The following PLPP3 variants were observed in gnomAD, a reference collection of about 807,000 sequenced individuals.
PLPP3 encodes the protein PAP2 beta.
In PLPP3, 6 loss-of-function variants were observed where a neutral mutation model predicts 29.6. That is an observed-to-expected ratio of 0.20 (90% confidence interval 0.11 to 0.40). The LOEUF is 0.40. PLPP3 is among the 10% of genes least tolerant of loss of function. The pLI is 1.00. For synonymous variants in PLPP3, 152 were observed against 159.7 expected, an observed-to-expected ratio of 0.95 and a Z score of 0.36; for missense variants, 308 against 407.7, an observed-to-expected ratio of 0.76 and a Z score of 2.11.
intron 1 of PLPP3, among the ~76,000 whole-genome samples, chr1:56,575,583 G>A (rs897699157): frequency 5.3e-5 from 8 of 152,176 alleles, no homozygotes; most frequent in South Asian, 2.1e-4. Flanking sequence ...TCTGCAAACC[G>A]AGCTTCAGAA....
chr1:56,523,692 C>G, intron 4 of PLPP3, 131 bp downstream of exon 4: 1 of 1,036,612 alleles, frequency 9.6e-7, no homozygotes, highest in African/African-American at 1.6e-5. Context: ...TTAAACCTAA[C>G]TTTTCTAGCT....
At chr1:56,501,842 C>T (rs1262350485) in intron 5 of PLPP3, among the ~76,000 whole-genome samples, 3 of 152,194 alleles carry the variant, frequency 2.0e-5, no homozygotes, top group African/African-American at 7.2e-5. Flanking sequence ...TGAAATCTGA[C>T]ACATTCTAGC....
chr1:56,512,101 G>A lies in PLPP3; in HGVS notation c.685C>T (p.Leu229Phe). The A allele has an allele frequency of 6.2e-7, 1 of 1,612,742 alleles. No individual in the cohort carries two copies. Among genetic ancestry groups the A allele is most frequent in the African/African-American group, 1.3e-5 (1 of 75,008 alleles). The change falls in exon 5 of 6, where the codon CTC becomes TTC. Residue 229 changes from leucine (L) to phenylalanine (F), a missense_variant. By Grantham distance (22) the Leu-to-Phe change is conservative. This residue lies in a region of PLPP3 where 232 missense variants were observed against 317.2 expected (regional missense o/e 0.73). Transcript: ENST00000371250. Reference sequence around the variant, plus strand: ...ATCATGATCAAGGTGAACTGCAGGAGGGGCCGGAGCAGGCGGGCTCCTCGC... The same window carrying A: ...ATCATGATCAAGGTGAACTGCAGGAAGGGCCGGAGCAGGCGGGCTCCTCGC... ...TWRGARLLRP[L>F]LQFTLIMMAF...
rs1381563130 is a variant in PLPP3 at position 56,579,139 on chromosome 1, C to T, written c.-123G>A. On this transcript the variant is annotated 5_prime_UTR_variant, in exon 1 of 6. Coordinates refer to ENST00000371250, the MANE Select transcript of PLPP3 (RefSeq NM_003713.5). ...GCGGATAGTGGCGGGTCGGCCCCGG[C>T]TCCGGGCGCGGCGGCTAGAGTGCAG... 3.0e-6 allele frequency: 4 copies of T among 1,355,902 alleles called. No individual in the cohort carries two copies. Among genetic ancestry groups the T allele is most frequent in the African/African-American group, 1.5e-5 (1 of 64,874 alleles). 84.0% of individuals were successfully genotyped at this position (1,355,902 alleles called of 1,614,324 possible).
intron 1 of PLPP3, among the ~76,000 whole-genome samples, chr1:56,557,588 T>C (rs1387209077): frequency 1.6e-4 from 25 of 152,190 alleles, no homozygotes; most frequent in Admixed American, 1.6e-3. Flanking sequence ...ATGAATGCAG[T>C]TGCTTTGGGT....
chr1:56,516,040 A>C (rs1645778430), intron 4 of PLPP3, among the ~76,000 whole-genome samples: 1 of 152,188 alleles, frequency 6.6e-6, no homozygotes, highest in Admixed American at 6.5e-5. Flanking sequence ...TGACTGTGGC[A>C]ATTTCACCAA....
intron 1 of PLPP3, among the ~76,000 whole-genome samples, chr1:56,569,806 T>C (rs1037466929): frequency 5.3e-4 from 80 of 152,124 alleles, no homozygotes; most frequent in African/African-American, 1.9e-3. Flanking sequence ...CATTCCAGCC[T>C]CCAGCTACTC....
intron 1 of PLPP3, among the ~76,000 whole-genome samples, chr1:56,569,331 C>T (rs1272419260): frequency 1.3e-5 from 2 of 152,108 alleles, no homozygotes; most frequent in Admixed American, 6.5e-5. Context: ...TGCCACCACA[C>T]CTGGCTAATT....
At chr1:56,547,687 C>A (rs1489057411) in intron 1 of PLPP3, among the ~76,000 whole-genome samples, 1 of 152,166 alleles carries the variant, frequency 6.6e-6, no homozygotes, top group African/African-American at 2.4e-5. Flanking sequence ...AGCTGCCATG[C>A]CCCACCCTGC....
At chr1:56,565,359 G>T (rs1646154728) in intron 1 of PLPP3, among the ~76,000 whole-genome samples, 1 of 150,438 alleles carries the variant, frequency 6.6e-6, no homozygotes, top group Non-Finnish European at 1.5e-5. Flanking sequence ...TACAAAAAGG[G>T]TCACAAACAG....
rs66593221 is a variant in PLPP3, at chr1:56,555,433, T to TAAAAAAAAAAAAAA, written c.140-18335_140-18322dup. ...ATGCAGGAGAAGGAAGGCCAAACACTAAAAAAAAAAAAAAAAAAAAAAAAA... is the reference window on the plus strand; with the variant it reads ...ATGCAGGAGAAGGAAGGCCAAACACTAAAAAAAAAAAAAAAAAAAAAAAAAAAAAAAAAAAAAAA... On this transcript the variant is annotated intron_variant, in intron 1 of 5. Transcript: ENST00000371250. Among the ~76,000 whole-genome samples the TAAAAAAAAAAAAAA allele has an allele frequency of 2.0e-3, 66 of 33,194 alleles. 1 individual carries two copies. The highest frequency in any genetic ancestry group is 2.8e-3 in the African/African-American group (17 of 6,118). The allele number at this position is 33,194 out of a possible 152,430, so 21.8% of individuals were successfully genotyped here.
At chr1:56,509,871 G>A (rs950969468) in intron 5 of PLPP3, among the ~76,000 whole-genome samples, 2 of 146,730 alleles carry the variant, frequency 1.4e-5, no homozygotes, top group Non-Finnish European at 3.0e-5. Context: ...AATGGGTAAA[G>A]TATCAGAATG....
At chr1:56,539,085 G>C (rs1193165928) in intron 1 of PLPP3, among the ~76,000 whole-genome samples, 1 of 151,844 alleles carries the variant, frequency 6.6e-6, no homozygotes, top group Non-Finnish European at 1.5e-5. Flanking sequence ...TCAAGTGGAG[G>C]GAACAGAGAC....
intron 1 of PLPP3, among the ~76,000 whole-genome samples, chr1:56,574,585 G>T (rs1031410694): frequency 8.5e-5 from 13 of 152,098 alleles, no homozygotes; most frequent in African/African-American, 3.1e-4. Flanking sequence ...ATCTACGAAG[G>T]ATGGTTGGCT....
intron 5 of PLPP3, among the ~76,000 whole-genome samples, chr1:56,507,561 G>A (rs1255513348): frequency 2.0e-5 from 3 of 152,176 alleles, no homozygotes; most frequent in Non-Finnish European, 4.4e-5. Flanking sequence ...GCCATGGTAG[G>A]AAGAAAGTGC....
chr1:56,496,885 C>T (rs1645634537), intron 5 of PLPP3, among the ~76,000 whole-genome samples: 1 of 152,160 alleles, frequency 6.6e-6, no homozygotes, highest in South Asian at 2.1e-4. Flanking sequence ...TGACATGTCC[C>T]AGGTTGCACA....
At chr1:56,538,437 C>T in intron 1 of PLPP3, 1 of 417,198 alleles carries the variant, frequency 2.4e-6, no homozygotes, top group Non-Finnish European at 4.8e-6. Flanking sequence ...TGCCATCTTC[C>T]AGTAATTCAC....
At chr1:56,527,596 A>G (rs1000013662) in intron 2 of PLPP3, among the ~76,000 whole-genome samples, 2 of 152,182 alleles carry the variant, frequency 1.3e-5, no homozygotes, top group African/African-American at 4.8e-5. Flanking sequence ...CATTTAGCAG[A>G]CACATGACTC....
intron 1 of PLPP3, among the ~76,000 whole-genome samples, chr1:56,563,346 C>T (rs147888721): frequency 1.6e-3 from 242 of 152,276 alleles, no homozygotes; most frequent in African/African-American, 5.7e-3. Flanking sequence ...ATACACGGAG[C>T]GTTTTCCAAA....
Sources: allele counts gnomAD v4.1 joint callset (sites outside exome capture counted in the v4.1 genomes callset), GRCh38; gene constraint gnomAD v4.1.1; regional missense constraint gnomAD v4.1.1; transcripts MANE v1.5; gene names NCBI Gene and HGNC (gene_info 2026-07-23, HGNC 2026-07-21).